The following RNF216 variants were observed in gnomAD, a reference collection of about 807,000 sequenced individuals.
RNF216 encodes ring finger protein 216.
RNF216 carries 72 observed loss-of-function variants against 110.8 expected under a neutral mutation model. The ratio of observed to expected loss-of-function variants is 0.65; its 90% CI spans 0.54 to 0.79. The LOEUF is 0.79. RNF216 is among the 30% of genes least tolerant of loss of function. The probability of loss-of-function intolerance (pLI) is 0.00; values close to 1 mark genes in which losing one functional copy is unlikely to be tolerated. For synonymous variants in RNF216, 495 were observed against 407.5 expected, an observed-to-expected ratio of 1.21 and a Z score of -2.59; for missense variants, 1,342 against 1,141.2, an observed-to-expected ratio of 1.18 and a Z score of -2.54.
intron 13 of RNF216, among the ~76,000 whole-genome samples, chr7:5,691,711 G>A (rs1791352615): frequency 6.6e-6 from 1 of 152,220 alleles, no homozygotes; most frequent in South Asian, 2.1e-4. Context: ...TGGCCACCCG[G>A]CAGGGAGTCC....
chr7:5,677,017 G>A (rs954832457), intron 13 of RNF216, among the ~76,000 whole-genome samples: 13 of 152,230 alleles, frequency 8.5e-5, no homozygotes, highest in Middle Eastern at 3.4e-3. Flanking sequence ...CACATGAAAC[G>A]AACCTCGTAA....
chr7:5,745,559 T>C (rs912448692), intron 3 of RNF216, among the ~76,000 whole-genome samples: 31 of 151,958 alleles, frequency 2.0e-4, no homozygotes, highest in African/African-American at 6.5e-4. Flanking sequence ...AACTGAAAAA[T>C]CACTACAGAT....
chr7:5,755,073 A>AAGGAAAGGAAGGAAAGGAGAAGAGAGG (rs1795551430), intron 2 of RNF216, among the ~76,000 whole-genome samples: 1 of 149,264 alleles, frequency 6.7e-6, no homozygotes, highest in Non-Finnish European at 1.5e-5. Context: ...GAGGGAACTG[A>AAGGAAAGGAAGGAAAGGAGAAGAGAGG]AGGAAAGGAA....
intron 13 of RNF216, among the ~76,000 whole-genome samples, chr7:5,671,805 C>CAAAAAAAAAAAAAAAAAAAAAAAAAAAA (rs11319565): frequency 1.8e-5 from 1 of 54,242 alleles, no homozygotes; most frequent in African/African-American, 8.1e-5. Context: ...AACTCCGTCT[C>CAAAAAAAAAAAAAAAAAAAAAAAAAAAA]AAAAAAAAAA....
At chr7:5,718,412 A>G (rs1793200219) in intron 9 of RNF216, among the ~76,000 whole-genome samples, 1 of 152,212 alleles carries the variant, frequency 6.6e-6, no homozygotes, top group African/African-American at 2.4e-5. Context: ...CGAGAAAGGG[A>G]CAGCACAAAA....
intron 1 of RNF216, among the ~76,000 whole-genome samples, chr7:5,770,885 G>A (rs896692426): frequency 2.0e-5 from 3 of 151,206 alleles, no homozygotes; most frequent in Non-Finnish European, 4.4e-5. Context: ...TCGGCTCACT[G>A]CAACCTCCGC....
intron 13 of RNF216, chr7:5,666,749 G>A (rs1789554385): frequency 6.6e-6 from 1 of 151,980 alleles, no homozygotes; most frequent in Non-Finnish European, 1.5e-5. Flanking sequence ...CCCTTCCAAA[G>A]GATTTGCTCC....
Position 5,711,775 on chromosome 7 carries a change from G to T in RNF216, c.2047C>A (p.Pro683Thr). The T allele has an allele frequency of 1.2e-6, 2 of 1,613,600 alleles. No homozygotes were observed. The highest frequency in any genetic ancestry group is 1.7e-6 in the Non-Finnish European group (2 of 1,179,812). Reference protein sequence around the residue: ...SDVKRFSCPNPHCRKETCRKC... With the variant: ...SDVKRFSCPNTHCRKETCRKC... ...TGCCTCCCTACCTTTCGGCAGTGAG[G>T]ATTAGGACAGCTGAACCTCTTCACA... The change falls in exon 13 of 17, where the codon CCT becomes ACT. Residue 683 changes from proline to threonine, a missense_variant. Transcript: ENST00000389902.
At chr7:5,670,470 C>T (rs940870696) in intron 13 of RNF216, among the ~76,000 whole-genome samples, 1 of 152,124 alleles carries the variant, frequency 6.6e-6, no homozygotes, top group Non-Finnish European at 1.5e-5. Context: ...CTTTTACTTC[C>T]TCTTTTTGCT....
At chr7:5,729,910 ACAGT>A (rs773994931) in intron 6 of RNF216, among the ~76,000 whole-genome samples, 11 of 152,224 alleles carry the variant, frequency 7.2e-5, no homozygotes, top group Non-Finnish European at 1.6e-4. Context: ...CGTAAGAGAG[ACAGT>A]CAAAGAATCT....
At chr7:5,700,838 G>C (rs1385066081) in intron 13 of RNF216, among the ~76,000 whole-genome samples, 9 of 152,140 alleles carry the variant, frequency 5.9e-5, no homozygotes, top group Non-Finnish European at 1.5e-5. Flanking sequence ...GATGACCAGT[G>C]CCCTCCCAGT....
Position 5,721,059 on chromosome 7 carries a change from C to G in RNF216, c.1618G>C (p.Glu540Gln), listed in dbSNP as rs374251836. 6.2e-7 allele frequency: 1 copy of G among 1,614,224 alleles called. No homozygotes were observed. ...PAVQQEQEFYEQKIKEMAEHE... is the reference protein window; with the variant it reads ...PAVQQEQEFYQQKIKEMAEHE... ...TCTGCCATCTCTTTGATTTTCTGCTCATAGAACTCCTGCTCTTGTTGCACA... is the reference window on the plus strand; with the variant it reads ...TCTGCCATCTCTTTGATTTTCTGCTGATAGAACTCCTGCTCTTGTTGCACA... Residue 540 changes from glutamate to glutamine, a missense_variant, in exon 9 of 17, where the codon GAG becomes CAG. Transcript: ENST00000389902.
intron 13 of RNF216, among the ~76,000 whole-genome samples, chr7:5,671,030 ATTTGT>A (rs970738632): frequency 2.6e-5 from 4 of 152,254 alleles, no homozygotes; most frequent in African/African-American, 9.6e-5. Flanking sequence ...TGCTAATATC[ATTTGT>A]TATAGCAACA....
At chr7:5,663,456 C>T (rs1349936360) in intron 13 of RNF216, among the ~76,000 whole-genome samples, 13 of 151,852 alleles carry the variant, frequency 8.6e-5, no homozygotes, top group Non-Finnish European at 1.6e-4. Flanking sequence ...TGGTGGCGTT[C>T]GCCTGTAGTC....
At position 5,729,300 on chromosome 7, in the gene RNF216, T is replaced by G; in HGVS notation, c.1389+132A>C. ...TCACGATGAGCAAATACCCATCTATTTATCTTCACCCTAATAAATTCCTTA... is the reference window on the plus strand; with the variant it reads ...TCACGATGAGCAAATACCCATCTATGTATCTTCACCCTAATAAATTCCTTA... On this transcript the variant is annotated intron_variant, in intron 7 of 16. Transcript: ENST00000389902. The G allele has an allele frequency of 6.2e-6, 5 of 808,810 alleles. No homozygotes were observed. In the Admixed American group the frequency reaches 9.5e-5, roughly 15 times the overall value. 50.1% of individuals were successfully genotyped at this position (808,810 alleles called of 1,614,324 possible). A position where few individuals can be genotyped will look rare whatever the true frequency, so the allele number is the denominator to read the frequency against.
intron 13 of RNF216, among the ~76,000 whole-genome samples, chr7:5,709,518 C>T (rs1212871091): frequency 6.6e-6 from 1 of 152,190 alleles, no homozygotes; most frequent in African/African-American, 2.4e-5. Context: ...CACCACATGC[C>T]TTTACGGCTT....
At chr7:5,722,348 T>G (rs886355278) in intron 8 of RNF216, among the ~76,000 whole-genome samples, 1 of 151,408 alleles carries the variant, frequency 6.6e-6, no homozygotes, top group African/African-American at 2.4e-5. Context: ...TTGATTCTCC[T>G]TTTCTCTTGC....
rs1790615389 is a variant in RNF216 at position 5,680,978 on chromosome 7, G to A, written c.2062-28468C>T. 6.6e-6 allele frequency among the ~76,000 whole-genome samples: 1 copy of A among 152,120 alleles called. No homozygotes were observed. Among genetic ancestry groups the A allele is most frequent in the South Asian group, 2.1e-4 (1 of 4,828 alleles). On this transcript the variant is annotated intron_variant, in intron 13 of 16. Coordinates refer to ENST00000389902, the MANE Select transcript of RNF216 (RefSeq NM_207111.4). The surrounding 1 kb of genome is among the most constrained non-coding windows in gnomAD (Gnocchi z 4.3). Reference sequence around the variant, plus strand: ...TGGCTGGGCCATGGCGGAGAGCCTGGACTTCAGGCCATCCCACCCCTCACT... The same window carrying A: ...TGGCTGGGCCATGGCGGAGAGCCTGAACTTCAGGCCATCCCACCCCTCACT...
chr7:5,666,955 C>G (rs576891179), intron 13 of RNF216, among the ~76,000 whole-genome samples: 1 of 152,140 alleles, frequency 6.6e-6, no homozygotes, highest in South Asian at 2.1e-4. Flanking sequence ...GCTGTGACCA[C>G]AGGCACATGC....
Sources: allele counts gnomAD v4.1 joint callset (sites outside exome capture counted in the v4.1 genomes callset), GRCh38; gene constraint gnomAD v4.1.1; non-coding constraint Gnocchi (gnomAD v3.1); transcripts MANE v1.5; gene names NCBI Gene and HGNC (gene_info 2026-07-23, HGNC 2026-07-21).